The following CDK5RAP2 variants were observed in gnomAD, a reference collection of about 807,000 sequenced individuals.
The protein encoded by CDK5RAP2 is CDK5 regulatory subunit associated protein 2, also known as CDK5 regulatory subunit-associated protein 2.
Under a neutral mutation model 232.9 loss-of-function variants are expected in CDK5RAP2, and 147 were observed. The observed-to-expected ratio is 0.63, with a 90% CI of 0.55 to 0.72. The LOEUF (loss-of-function observed/expected upper bound fraction) is 0.72, where lower values mean the gene tolerates loss of function less well. Ranked by LOEUF, CDK5RAP2 falls within the 30% of genes least tolerant of loss-of-function variation. The probability of loss-of-function intolerance (pLI) is 0.00; values close to 1 mark genes in which losing one functional copy is unlikely to be tolerated. For synonymous variants in CDK5RAP2, 833 were observed against 833.7 expected (o/e 1.00, Z 0.01); for missense variants, 2,195 against 2,231.5 (o/e 0.98, Z 0.33).
intron 10 of CDK5RAP2, among the ~76,000 whole-genome samples, chr9:120,527,131 AG>A (rs1427567563): frequency 6.6e-6 from 1 of 152,180 alleles, no homozygotes; most frequent in Non-Finnish European, 1.5e-5. Flanking sequence ...CATAGCTACT[AG>A]GACACAATAG....
intron 14 of CDK5RAP2, among the ~76,000 whole-genome samples, chr9:120,478,528 G>C (rs535495855): frequency 2.0e-5 from 3 of 152,136 alleles, no homozygotes; most frequent in Admixed American, 6.5e-5. Context: ...TCCCAGCTCT[G>C]TGGGAGGCCA....
rs574769216 is a variant in CDK5RAP2 at position 120,457,219 on chromosome 9, C to T, written c.2375+1231G>A. 4.6e-5 allele frequency among the ~76,000 whole-genome samples: 7 copies of T among 152,240 alleles called. No individual in the cohort carries two copies. In the South Asian group the frequency reaches 1.2e-3, roughly 27 times the overall value. ...TCAGAGCAAAGATGAGATTCCAGAC[C>T]TTTCTGACTCCCAACCATTGGCTGG... is the stretch of plus-strand genomic sequence containing the variant. On this transcript the variant is annotated intron_variant, in intron 20 of 37. Coordinates refer to ENST00000349780, the MANE Select transcript of CDK5RAP2 (RefSeq NM_018249.6).
At chr9:120,568,540 C>T in intron 2 of CDK5RAP2, 152 bp from the exon 3 acceptor site, 1 of 720,716 alleles carries the variant, frequency 1.4e-6, no homozygotes, top group East Asian at 2.6e-5. Context: ...ACTGATTTTG[C>T]TCCAGGGAAA....
chr9:120,453,593 T>A lies in CDK5RAP2; in HGVS notation c.2656A>T (p.Lys886Ter). Residue 886 changes from lysine (K) to a stop codon, truncating the protein, a stop_gained, in exon 21 of 38, where the codon AAG (lysine) becomes TAG (stop). Coordinates refer to ENST00000349780, the MANE Select transcript of CDK5RAP2 (RefSeq NM_018249.6). LOFTEE classifies it high-confidence loss of function. ...VATEGDLLRF[K>*]HEATREAWEE... ...CAAGCCTCTCTTGTTGCTTCATGCT[T>A]GAATCTCAGCAGGTCGCCCTCCGTG... 1 of 1,614,192 alleles carries A rather than the reference T, an allele frequency of 6.2e-7. No individual in the cohort carries two copies. Among genetic ancestry groups the A allele is most frequent in the Non-Finnish European group, 8.5e-7 (1 of 1,180,046 alleles).
intron 15 of CDK5RAP2, 34 bp downstream of exon 15, chr9:120,477,316 T>C (rs2038068271): frequency 1.4e-6 from 2 of 1,456,940 alleles, no homozygotes; most frequent in Non-Finnish European, 1.9e-6. Flanking sequence ...TGTGTTCGCA[T>C]TCACATGTGT....
Position 120,408,480 on chromosome 9 carries a change from C to G in CDK5RAP2, c.4605-12G>C. The G allele has an allele frequency of 6.2e-7, 1 of 1,614,082 alleles. No homozygotes were observed. The highest frequency in any genetic ancestry group is 1.1e-5 in the South Asian group (1 of 91,082). On this transcript the variant is annotated splice_polypyrimidine_tract_variant and intron_variant, in intron 30 of 37. Transcript: ENST00000349780. ...CCTCCTCCTGCACCCTGAGAAGGCC[C>G]CACAGGCATGAGAAGGACAGGTTAA...
chr9:120,566,068 A>G (rs1283049863), intron 3 of CDK5RAP2, among the ~76,000 whole-genome samples: 1 of 152,226 alleles, frequency 6.6e-6, no homozygotes, highest in Non-Finnish European at 1.5e-5. Context: ...ATCATCTGAG[A>G]CTAGAATAGG....
At chr9:120,489,809 C>CA (rs1554762516) in intron 13 of CDK5RAP2, among the ~76,000 whole-genome samples, 33 of 138,284 alleles carry the variant, frequency 2.4e-4, no homozygotes, top group Admixed American at 1.5e-3. Flanking sequence ...TTTGTCTTTC[C>CA]TTTTTTTTTT....
chr9:120,546,266 A>C (rs909137796), intron 4 of CDK5RAP2, among the ~76,000 whole-genome samples: 2 of 152,220 alleles, frequency 1.3e-5, no homozygotes, highest in African/African-American at 4.8e-5. Context: ...ACAGGAGACC[A>C]CATCATGGCA....
rs746903524 is a variant in CDK5RAP2 at position 120,448,084 on chromosome 9, G to A, written c.2836C>T (p.Arg946Trp). Reference protein sequence around the residue: ...SRLPILIKPSRSLGNMYRLPA... With the variant: ...SRLPILIKPSWSLGNMYRLPA... ...AGACGATACATATTTCCTAATGACCGGGATGGTTTTATTAGGATTGGCAAG... is the reference window on the plus strand; with the variant it reads ...AGACGATACATATTTCCTAATGACCAGGATGGTTTTATTAGGATTGGCAAG... The change falls in exon 22 of 38, where the codon CGG becomes TGG. Residue 946 changes from arginine to tryptophan, a missense_variant. Coordinates refer to ENST00000349780, the MANE Select transcript of CDK5RAP2 (RefSeq NM_018249.6). 3.3e-5 allele frequency: 53 copies of A among 1,614,126 alleles called. No individual in the cohort carries two copies. The Middle Eastern group carries it at 5.0e-4, about 15-fold the overall frequency.
intron 12 of CDK5RAP2, among the ~76,000 whole-genome samples, chr9:120,511,078 T>G (rs1255319138): frequency 6.6e-6 from 1 of 152,194 alleles, no homozygotes; most frequent in Non-Finnish European, 1.5e-5. Flanking sequence ...CTTCTCAGTG[T>G]TCGTGCACAA....
rs1202150713 is a variant in CDK5RAP2 at position 120,448,050 on chromosome 9, G to A, written c.2870C>T (p.Thr957Ile). 12 of 1,614,172 alleles carry A rather than the reference G, an allele frequency of 7.4e-6. No homozygotes were observed. The highest frequency in any genetic ancestry group is 2.7e-5 in the African/African-American group (2 of 75,050). ...CTGCAGCTGCGTCACCACCTCCTGGGTGGCAGGGAGACGATACATATTTCC... is the reference window on the plus strand; with the variant it reads ...CTGCAGCTGCGTCACCACCTCCTGGATGGCAGGGAGACGATACATATTTCC... ...SLGNMYRLPA[T>I]QEVVTQLQSQ... Residue 957 changes from threonine (T) to isoleucine (I), a missense_variant, in exon 22 of 38, where the codon ACC (threonine) becomes ATC (isoleucine). Transcript: ENST00000349780.
intron 12 of CDK5RAP2, among the ~76,000 whole-genome samples, chr9:120,505,575 A>G (rs2039773711): frequency 6.6e-6 from 1 of 152,250 alleles, no homozygotes; most frequent in Non-Finnish European, 1.5e-5. Flanking sequence ...AAGTCAATAG[A>G]GCCAAAAGCT....
Position 120,579,901 on chromosome 9 carries a change from A to T in CDK5RAP2, c.59+19T>A, listed in dbSNP as rs1243567394. On this transcript the variant is annotated intron_variant, in intron 1 of 37. Transcript: ENST00000349780. ...GAACCCCGGCCCGGTTACCACGACCACCAATGCCCCGGCCGCACCTGCAGC... is the reference window on the plus strand; with the variant it reads ...GAACCCCGGCCCGGTTACCACGACCTCCAATGCCCCGGCCGCACCTGCAGC... The T allele has an allele frequency of 1.2e-6, 2 of 1,606,834 alleles. No individual in the cohort carries two copies. The highest frequency in any genetic ancestry group is 1.7e-6 in the Non-Finnish European group (2 of 1,173,524).
intron 20 of CDK5RAP2, among the ~76,000 whole-genome samples, chr9:120,454,407 G>A (rs2036639075): frequency 1.3e-5 from 2 of 152,240 alleles, no homozygotes; most frequent in Non-Finnish European, 2.9e-5. Flanking sequence ...AGGCAGAGTA[G>A]AAAGCGCATT....
intron 7 of CDK5RAP2, among the ~76,000 whole-genome samples, chr9:120,533,130 A>G (rs1483150090): frequency 6.6e-6 from 1 of 152,150 alleles, no homozygotes; most frequent in African/African-American, 2.4e-5. Flanking sequence ...CTTTTGTCAC[A>G]GCACGGAACC....
At chr9:120,454,285 G>A (rs1418851740) in intron 20 of CDK5RAP2, among the ~76,000 whole-genome samples, 1 of 152,238 alleles carries the variant, frequency 6.6e-6, no homozygotes, top group Admixed American at 6.5e-5. Context: ...CCAGGGGCAA[G>A]TATGGCTTTA....
chr9:120,496,949 G>T (rs1445538945), intron 12 of CDK5RAP2, among the ~76,000 whole-genome samples: 1 of 140,622 alleles, frequency 7.1e-6, no homozygotes, highest in Non-Finnish European at 1.5e-5. Flanking sequence ...GATGACAATG[G>T]CGGCTTTGTG....
At chr9:120,502,607 C>T (rs988603060) in intron 12 of CDK5RAP2, among the ~76,000 whole-genome samples, 2 of 152,206 alleles carry the variant, frequency 1.3e-5, no homozygotes, top group Non-Finnish European at 2.9e-5. Context: ...GAGTTGACAA[C>T]GTGAAAATGA....
Sources: allele counts gnomAD v4.1 joint callset (sites outside exome capture counted in the v4.1 genomes callset), GRCh38; gene constraint gnomAD v4.1.1; transcripts MANE v1.5; gene names NCBI Gene and HGNC (gene_info 2026-07-23, HGNC 2026-07-21).